Variants in PAPPA2 observed in about 807,000 individuals in gnomAD.
PAPPA2 encodes pappalysin-2.
A neutral mutation model predicts 176.4 loss-of-function variants in PAPPA2; 86 were observed. The observed-to-expected ratio is 0.49, with a 90% CI of 0.41 to 0.58. The LOEUF (loss-of-function observed/expected upper bound fraction) is 0.58. PAPPA2 is among the 20% of genes least tolerant of loss of function. The probability of loss-of-function intolerance (pLI) is 0.00; values close to 1 mark genes in which losing one functional copy is unlikely to be tolerated. For synonymous variants in PAPPA2, 809 were observed against 852.2 expected, an observed-to-expected ratio of 0.95 and a Z score of 0.88; for missense variants, 2,073 against 2,256.9, an observed-to-expected ratio of 0.92 and a Z score of 1.65.
chr1:176,633,919 C>G (rs982059013), intron 3 of PAPPA2, among the ~76,000 whole-genome samples: 1 of 152,062 alleles, frequency 6.6e-6, no homozygotes, highest in Non-Finnish European at 1.5e-5. Context: ...GTTAGAATGG[C>G]GATCATTAAA....
At chr1:176,667,369 G>C (rs1405694295) in intron 3 of PAPPA2, among the ~76,000 whole-genome samples, 1 of 152,172 alleles carries the variant, frequency 6.6e-6, no homozygotes, top group Admixed American at 6.5e-5. Flanking sequence ...TCAGGGGCTG[G>C]AGCTCTTTAC....
chr1:176,483,723 C>A (rs1205843518), intron 1 of PAPPA2, among the ~76,000 whole-genome samples: 2 of 152,056 alleles, frequency 1.3e-5, no homozygotes, highest in African/African-American at 4.8e-5. Context: ...CCCACCTAGG[C>A]CTCCCAAAGT....
intron 14 of PAPPA2, among the ~76,000 whole-genome samples, chr1:176,753,554 CTTTTTTTTT>C (rs77817405): frequency 2.7e-5 from 2 of 73,498 alleles, no homozygotes; most frequent in South Asian, 4.7e-4. Context: ...AAGGCTCCTC[CTTTTTTTTT>C]TTTTTTTTTT....
chr1:176,721,592 T>C (rs966131074), intron 12 of PAPPA2, among the ~76,000 whole-genome samples: 7 of 152,228 alleles, frequency 4.6e-5, no homozygotes, highest in Non-Finnish European at 8.8e-5. Context: ...GAAGATGTTA[T>C]CCCGTTATCT....
chr1:176,612,127 C>T (rs1654961148), intron 3 of PAPPA2, among the ~76,000 whole-genome samples: 1 of 152,068 alleles, frequency 6.6e-6, no homozygotes, highest in Non-Finnish European at 1.5e-5. Flanking sequence ...GTTGTGGTGG[C>T]TCATGCCTTT....
intron 14 of PAPPA2, among the ~76,000 whole-genome samples, chr1:176,753,252 G>T (rs1043310400): frequency 6.6e-6 from 1 of 152,176 alleles, no homozygotes; most frequent in African/African-American, 2.4e-5. Context: ...TCAGTACTTT[G>T]CCATTCCATC....
chr1:176,663,100 C>T (rs1163739279), intron 3 of PAPPA2, among the ~76,000 whole-genome samples: 3 of 152,156 alleles, frequency 2.0e-5, no homozygotes, highest in Admixed American at 2.0e-4. Flanking sequence ...CACTATATCC[C>T]TCTTCTGTGT....
intron 14 of PAPPA2, 135 bp downstream of exon 14, chr1:176,740,331 C>T: frequency 1.1e-6 from 1 of 912,960 alleles, no homozygotes; most frequent in South Asian, 1.8e-5. Flanking sequence ...ACTAAAAAGA[C>T]ATAGGAAGCA....
At chr1:176,668,797 G>T (rs867855870) in intron 3 of PAPPA2, among the ~76,000 whole-genome samples, 4 of 152,132 alleles carry the variant, frequency 2.6e-5, no homozygotes, top group Middle Eastern at 3.4e-3. Context: ...TATACTTGAC[G>T]ACATATATCT....
At chr1:176,482,078 T>G (rs941829395) in intron 1 of PAPPA2, among the ~76,000 whole-genome samples, 11 of 152,174 alleles carry the variant, frequency 7.2e-5, no homozygotes, top group Admixed American at 6.5e-4. Flanking sequence ...ACAAAGAGTT[T>G]TTCTAATTCC....
rs775719436 is a variant in PAPPA2, at chr1:176,594,921, G to A, written c.1317G>A (p.Gln439=). 5.0e-6 allele frequency: 8 copies of A among 1,614,094 alleles called. No individual in the cohort carries two copies. The highest frequency in any genetic ancestry group is 5.9e-6 in the Non-Finnish European group (7 of 1,180,050). The change falls in exon 3 of 23, where the codon CAG becomes CAA. Residue 439 remains glutamine (Q), a synonymous_variant. Coordinates refer to ENST00000367662, the MANE Select transcript of PAPPA2 (RefSeq NM_020318.3). ...CCGCCCTGCCACAAAGCCATTTTCAGCACAGTTCTCAGCATTCAAGTGGGG... is the reference window on the plus strand; with the variant it reads ...CCGCCCTGCCACAAAGCCATTTTCAACACAGTTCTCAGCATTCAAGTGGGG... ...WSTALPQSHF[Q]HSSQHSSGEE... is the part of the protein sequence containing the mutation.
chr1:176,694,367 C>T (rs1272072600), intron 6 of PAPPA2, among the ~76,000 whole-genome samples: 1 of 152,190 alleles, frequency 6.6e-6, no homozygotes, highest in Admixed American at 6.5e-5. Flanking sequence ...TGACCTTAGG[C>T]AATTTACTTA....
intron 12 of PAPPA2, among the ~76,000 whole-genome samples, chr1:176,735,283 G>A (rs1448955701): frequency 6.6e-6 from 1 of 152,074 alleles, no homozygotes; most frequent in African/African-American, 2.4e-5. Context: ...TCTGGTCTAA[G>A]GTCTTCTGTT....
intron 3 of PAPPA2, 62 bp from the exon 4 acceptor site, chr1:176,670,908 T>C: frequency 1.3e-6 from 2 of 1,598,834 alleles, no homozygotes; most frequent in East Asian, 4.5e-5. Flanking sequence ...TAGGTCTGGC[T>C]CTGCTATTCT....
intron 1 of PAPPA2, among the ~76,000 whole-genome samples, chr1:176,474,046 G>T (rs557778225): frequency 6.6e-6 from 1 of 152,254 alleles, no homozygotes; most frequent in East Asian, 1.9e-4. Flanking sequence ...TATTACTTCT[G>T]TTTACCTCAT....
At chr1:176,736,450 C>G (rs1161341145) in intron 12 of PAPPA2, among the ~76,000 whole-genome samples, 3 of 148,652 alleles carry the variant, frequency 2.0e-5, no homozygotes. Context: ...TAAGGTTGCT[C>G]TTTCCACAGC....
intron 21 of PAPPA2, among the ~76,000 whole-genome samples, chr1:176,834,020 G>A (rs73050132): frequency 0.031 from 4,664 of 152,200 alleles, 248 homozygotes; most frequent in African/African-American, 0.11. Flanking sequence ...ATAATGAAAA[G>A]GAAGGATCTG....
At chr1:176,503,412 A>G (rs1558405496) in intron 1 of PAPPA2, among the ~76,000 whole-genome samples, 1 of 152,184 alleles carries the variant, frequency 6.6e-6, no homozygotes, top group Non-Finnish European at 1.5e-5. Context: ...CTCATGTAAC[A>G]TAATTTCTTT....
intron 3 of PAPPA2, among the ~76,000 whole-genome samples, chr1:176,617,119 A>G (rs550381103): frequency 1.3e-5 from 2 of 152,288 alleles, no homozygotes; most frequent in African/African-American, 4.8e-5. Context: ...TTTTTGGTGG[A>G]GTAGTAATCA....
Sources: allele counts gnomAD v4.1 joint callset (sites outside exome capture counted in the v4.1 genomes callset), GRCh38; gene constraint gnomAD v4.1.1; transcripts MANE v1.5; gene names NCBI Gene and HGNC (gene_info 2026-07-23, HGNC 2026-07-21).